TTN: variants seen among roughly 807,000 people sequenced by gnomAD.
TTN encodes connectin.
Under a neutral mutation model 3,223.0 loss-of-function variants are expected in TTN, and 1,525 were observed. The observed-to-expected ratio is 0.47, with a 90% CI of 0.45 to 0.49. The LOEUF is 0.49. TTN is among the 20% of genes least tolerant of loss of function. The probability of loss-of-function intolerance (pLI) is 0.00; values close to 1 mark genes in which losing one functional copy is unlikely to be tolerated. For missense variants in TTN, 40,786 were observed against 43,424.0 expected (o/e 0.94, Z 5.40); for synonymous variants, 14,094 against 15,161.0 (o/e 0.93, Z 5.17).
chr2:178,565,901 A>G lies in TTN; in HGVS notation c.80231T>C (p.Val26744Ala). 1 of 1,613,632 alleles carries G rather than the reference A, an allele frequency of 6.2e-7. No homozygotes were observed. The highest frequency in any genetic ancestry group is 8.5e-7 in the Non-Finnish European group (1 of 1,179,666). The part of the protein sequence containing the change: ...SSKCSKTSFK[V>A]ENLTEGAIYY... ...AATGGCTCCTTCTGTAAGGTTTTCCACTTTAAAACTTGTTTTGCTGCATTT... is the reference window on the plus strand; with the variant it reads ...AATGGCTCCTTCTGTAAGGTTTTCCGCTTTAAAACTTGTTTTGCTGCATTT... The change falls in exon 326 of 363, where the codon GTG becomes GCG. Residue 26744 changes from valine to alanine, a missense_variant. Physicochemically the swap from Val to Ala is moderately conservative, Grantham distance 64. Coordinates refer to ENST00000589042, the MANE Select transcript of TTN (RefSeq NM_001267550.2).
At chr2:178,539,341 T>C in intron 352 of TTN, 41 bp downstream of exon 352, 3 of 1,597,068 alleles carry the variant, frequency 1.9e-6, no homozygotes, top group Non-Finnish European at 8.5e-7. Context: ...AGAAAAGTGC[T>C]GAAATAATGT....
At position 178,664,103 on chromosome 2, in the gene TTN, A is replaced by G; in HGVS notation, c.36281-5T>C. The G allele has an allele frequency of 6.2e-7, 1 of 1,606,648 alleles. No homozygotes were observed. The highest frequency in any genetic ancestry group is 2.2e-5 in the East Asian group (1 of 44,824). On this transcript the variant is annotated splice_polypyrimidine_tract_variant and splice_region_variant and intron_variant, in intron 168 of 362. Transcript: ENST00000589042. ...TCTCTTTGGGAGCTTCGTGCACTTGAAAGATATTAGTATTTTTACACTCAG... is the reference window on the plus strand; with the variant it reads ...TCTCTTTGGGAGCTTCGTGCACTTGGAAGATATTAGTATTTTTACACTCAG...
intron 180 of TTN, among the ~76,000 whole-genome samples, chr2:178,660,611 G>A (rs1457839224): frequency 6.7e-6 from 1 of 149,492 alleles, no homozygotes; most frequent in Non-Finnish European, 1.5e-5. Context: ...TCAGGACATA[G>A]GCATGGGCAA....
chr2:178,528,500 T>G, intron 360 of TTN, 28 bp downstream of exon 360: 9 of 1,594,346 alleles, frequency 5.6e-6, no homozygotes, highest in Non-Finnish European at 7.7e-6. Context: ...TAGTTTTTCT[T>G]CAATAATATA....
intron 10 of TTN, among the ~76,000 whole-genome samples, 162 bp from the exon 11 acceptor site, chr2:178,791,007 C>T (rs1237996539): frequency 6.6e-6 from 1 of 152,200 alleles, no homozygotes; most frequent in Non-Finnish European, 1.5e-5. Context: ...ACATAGACTG[C>T]TTTCCTGAGG....
chr2:178,744,144 T>C (rs1203651200), intron 47 of TTN, among the ~76,000 whole-genome samples: 2 of 151,994 alleles, frequency 1.3e-5, no homozygotes, highest in African/African-American at 2.4e-5. Context: ...TAATTAAAAT[T>C]AGCATTTTAA....
Position 178,549,713 on chromosome 2 carries a change from A to C in TTN, c.92009T>G (p.Ile30670Ser). ...ACTTTGGGCTTCACATTTATCCTCA[A>C]TTAGTGCCCAGGCAAGTCTGCTGGT... ...RETSRLAWAL[I>S]EDKCEAQSYT... Residue 30670 changes from isoleucine to serine, a missense_variant, in exon 338 of 363, where the codon ATT (isoleucine) becomes AGT (serine). Coordinates refer to ENST00000589042, the MANE Select transcript of TTN (RefSeq NM_001267550.2). 6.2e-7 allele frequency: 1 copy of C among 1,613,736 alleles called. No homozygotes were observed. Among genetic ancestry groups the C allele is most frequent in the South Asian group, 1.1e-5 (1 of 91,072 alleles).
At position 178,767,994 on chromosome 2, in the gene TTN, A is replaced by G. The variant is rs1203911588; in HGVS notation, c.9305+20T>C. ...AGGAAACTGGGAATTACTGGAATGT[A>G]GCAAGACAAAACAACTGACCTGTCT... On this transcript the variant is annotated intron_variant, in intron 39 of 362. Coordinates refer to ENST00000589042, the MANE Select transcript of TTN (RefSeq NM_001267550.2). 3 of 1,613,982 alleles carry G rather than the reference A, an allele frequency of 1.9e-6. No homozygotes were observed. The highest frequency in any genetic ancestry group is 1.7e-6 in the Non-Finnish European group (2 of 1,180,006).
At chr2:178,542,608 C>G (rs1695117593) in intron 348 of TTN, 45 bp from the exon 349 acceptor site, 1 of 1,593,772 alleles carries the variant, frequency 6.3e-7, no homozygotes. Context: ...TACTTCAAAT[C>G]AAAATTGGGT....
rs796560630 is a variant in TTN at position 178,740,310 on chromosome 2, G to T, written c.12923C>A (p.Ala4308Glu). 1.2e-6 allele frequency: 2 copies of T among 1,613,640 alleles called. No homozygotes were observed. Among genetic ancestry groups the T allele is most frequent in the Non-Finnish European group, 1.7e-6 (2 of 1,179,790 alleles). ...TTGCCCTGCATTTTCCAGTGGATTT[G>T]CACTTTCTATCAAAATTTTACCTCC... ...TEGGKILIES[A>E]NPLENAGQDS... The change falls in exon 48 of 363, where the codon GCA (alanine) becomes GAA (glutamate). Residue 4308 changes from alanine (A) to glutamate (E), a missense_variant. Physicochemically the swap from Ala to Glu is moderately radical, Grantham distance 107. Coordinates refer to ENST00000589042, the MANE Select transcript of TTN (RefSeq NM_001267550.2).
intron 47 of TTN, chr2:178,742,840 C>T (rs1260230172): frequency 6.6e-6 from 1 of 152,060 alleles, no homozygotes; most frequent in Non-Finnish European, 1.5e-5. Context: ...TCACTTGCAT[C>T]ACATGAAATA....
At chr2:178,730,896 A>G in intron 60 of TTN, 29 bp downstream of exon 60, 6 of 1,554,044 alleles carry the variant, frequency 3.9e-6, no homozygotes, top group Non-Finnish European at 4.3e-6. Context: ...GGAAATGCCC[A>G]ATCCTCTCTG....
chr2:178,539,526 C>A lies in TTN; in HGVS notation c.98539G>T (p.Asp32847Tyr), dbSNP rs776728106. 2.5e-6 allele frequency: 4 copies of A among 1,613,804 alleles called. No individual in the cohort carries two copies. Among genetic ancestry groups the A allele is most frequent in the Non-Finnish European group, 3.4e-6 (4 of 1,179,778 alleles). The part of the protein sequence containing the change: ...EVPKAAWYTI[D>Y]SRVRGTSLVV... ...AGAGATGTACCTCGGACTCTGGAAT[C>A]AATGGTATACCAGGCGGCTTTAGGC... is the stretch of plus-strand genomic sequence containing the variant. Residue 32847 changes from aspartate (D) to tyrosine (Y), a missense_variant, in exon 352 of 363, where the codon GAT (aspartate) becomes TAT (tyrosine). Coordinates refer to ENST00000589042, the MANE Select transcript of TTN (RefSeq NM_001267550.2).
intron 78 of TTN, 65 bp downstream of exon 78, chr2:178,721,782 C>G (rs1393419454): frequency 7.0e-7 from 1 of 1,427,808 alleles, no homozygotes; most frequent in Admixed American, 2.6e-5. Flanking sequence ...ACCAAAGAAA[C>G]TTTTATAAGA....
rs202096200 is a variant in TTN, at chr2:178,548,259, C to G, written c.93367G>C (p.Val31123Leu). The G allele has an allele frequency of 7.6e-5, 123 of 1,613,826 alleles. No homozygotes were observed. The African/African-American group carries it at 1.5e-3, about 19-fold the overall frequency. Reference sequence around the variant, plus strand: ...ACTGCGGAGGATTTGCTAGTATCAACAACATCAAGTCTCCTAGGTGGAGCA... The same window carrying G: ...ACTGCGGAGGATTTGCTAGTATCAAGAACATCAAGTCTCCTAGGTGGAGCA... Reference protein sequence around the residue: ...QPAPPRRLDVVDTSKSSAVLA... With the variant: ...QPAPPRRLDVLDTSKSSAVLA... Residue 31123 changes from valine to leucine, a missense_variant, in exon 339 of 363, where the codon GTT becomes CTT. Val to Leu is a conservative substitution (Grantham distance 32). Transcript: ENST00000589042. The surrounding 1 kb of genome is among the most constrained non-coding windows in gnomAD (Gnocchi z 4.3).
Position 178,574,423 on chromosome 2 carries a change from T to G in TTN, c.71709A>C (p.Ala23903=). The change falls in exon 326 of 363, where the codon GCA becomes GCC. Residue 23903 remains alanine (A), a synonymous_variant. Transcript: ENST00000589042. ...DGIAYEFRVI[A]ENMAGKSKPS... ...GCTTACTTTTGCCTGCCATGTTTTC[T>G]GCAATCACCCGGAACTCATAAGCAA... is the stretch of plus-strand genomic sequence containing the variant. The G allele has an allele frequency of 1.9e-6, 3 of 1,613,594 alleles. No individual in the cohort carries two copies. Among genetic ancestry groups the G allele is most frequent in the Non-Finnish European group, 2.5e-6 (3 of 1,179,640 alleles).
chr2:178,609,728 T>A lies in TTN; in HGVS notation c.51695A>T (p.Glu17232Val). The change falls in exon 272 of 363, where the codon GAA (glutamate) becomes GTA (valine). Residue 17232 changes from glutamate (E) to valine (V), a missense_variant. By Grantham distance (121) the Glu-to-Val change is moderately radical. Coordinates refer to ENST00000589042, the MANE Select transcript of TTN (RefSeq NM_001267550.2). ...GGTTGGAGGAGTAGCCCGAGAAGGT[T>A]CACTAATACCCGCGGCGTTCTCTGC... ...VRAENAAGIS[E>V]PSRATPPTKA... The A allele has an allele frequency of 6.2e-7, 1 of 1,610,240 alleles. No homozygotes were observed. Among genetic ancestry groups the A allele is most frequent in the Non-Finnish European group, 8.5e-7 (1 of 1,177,270 alleles).
rs2048152881 is a variant in TTN at position 178,583,139 on chromosome 2, A to G, written c.65664T>C (p.Phe21888=). Residue 21888 remains phenylalanine, a synonymous_variant, in exon 313 of 363, where the codon TTT becomes TTC. Transcript: ENST00000589042. ...AAGAAACTGTTGGCATCGGTTTACC[A>G]AAAACAGTAGCATCCAAGCAGACAT... The part of the protein sequence containing the change: ...GTNVCLDATV[F]GKPMPTVSWK... 6.2e-7 allele frequency: 1 copy of G among 1,611,538 alleles called. No homozygotes were observed. Among genetic ancestry groups the G allele is most frequent in the African/African-American group, 1.3e-5 (1 of 74,824 alleles).
chr2:178,758,844 A>G (rs2088120261), intron 44 of TTN, 140 bp downstream of exon 44: 3 of 881,546 alleles, frequency 3.4e-6, no homozygotes, highest in Non-Finnish European at 5.5e-6. Flanking sequence ...ACCATGGCAT[A>G]TAACAGGGAA....
Sources: gnomAD v4.1 joint callset for allele counts (sites outside exome capture counted in the v4.1 genomes callset) on GRCh38, gnomAD v4.1.1 for gene constraint, Gnocchi (gnomAD v3.1) non-coding constraint, MANE v1.5 for transcripts, NCBI Gene and HGNC (gene_info 2026-07-23, HGNC 2026-07-21) for gene names.